Variants in CFAP20DC observed in about 807,000 individuals in gnomAD.
The protein encoded by CFAP20DC is CFAP20 domain containing, also known as protein CFAP20DC.
CFAP20DC carries 84 observed loss-of-function variants against 101.7 expected under a neutral mutation model. The ratio of observed to expected loss-of-function variants is 0.83; its 90% CI spans 0.69 to 0.99. CFAP20DC has a LOEUF of 0.99. Ranked by LOEUF, CFAP20DC falls within the 50% of genes least tolerant of loss-of-function variation. The pLI, the probability that CFAP20DC is intolerant of heterozygous loss-of-function variation, is 0.00. For missense variants in CFAP20DC, 1,007 were observed against 970.3 expected, an observed-to-expected ratio of 1.04 and a Z score of -0.50; for synonymous variants, 359 against 351.2, an observed-to-expected ratio of 1.02 and a Z score of -0.25.
chr3:58,746,382 T>C (rs924016168), intron 16 of CFAP20DC, among the ~76,000 whole-genome samples: 1 of 152,220 alleles, frequency 6.6e-6, no homozygotes, highest in Admixed American at 6.5e-5. Context: ...TTATATGCTA[T>C]ATAATTATTC....
intron 4 of CFAP20DC, among the ~76,000 whole-genome samples, chr3:58,970,005 T>G (rs950137276): frequency 1.3e-5 from 2 of 152,164 alleles, no homozygotes; most frequent in Non-Finnish European, 2.9e-5. Flanking sequence ...AAAGGATAAA[T>G]TTTATGATAT....
intron 4 of CFAP20DC, among the ~76,000 whole-genome samples, chr3:59,037,434 A>AT (rs1320454700): frequency 2.0e-5 from 3 of 150,642 alleles, no homozygotes; most frequent in Non-Finnish European, 3.0e-5. Flanking sequence ...CCAATTTACA[A>AT]TAAAAAAAAA....
chr3:58,825,235 G>A (rs2075961554), intron 14 of CFAP20DC, among the ~76,000 whole-genome samples: 1 of 152,088 alleles, frequency 6.6e-6, no homozygotes, highest in African/African-American at 2.4e-5. Context: ...AAATGTCCTA[G>A]AAATTCTGTT....
chr3:58,998,600 C>A (rs1234901341), intron 4 of CFAP20DC, among the ~76,000 whole-genome samples: 1 of 152,008 alleles, frequency 6.6e-6, no homozygotes, highest in Non-Finnish European at 1.5e-5. Context: ...CACAAACAGC[C>A]CCTGCTCCTA....
chr3:58,720,588 C>T lies in CFAP20DC; in HGVS notation c.198-2960G>A, dbSNP rs114531008. Among the ~76,000 whole-genome samples, 691 of 152,276 alleles carry T rather than the reference C, an allele frequency of 4.5e-3. 1 individual carries two copies. Among genetic ancestry groups the T allele is most frequent in the African/African-American group, 0.014 (576 of 41,552 alleles). On this transcript the variant is annotated intron_variant, in intron 3 of 3. Transcript: ENST00000486145. The stretch of plus-strand genomic sequence containing the variant: ...TTGTTTAAAGGATAGTGCTGCCAGT[C>T]GCACATTATTGTTATTTCAAAGCTG...
intron 14 of CFAP20DC, among the ~76,000 whole-genome samples, chr3:58,818,843 T>G (rs2107880543): frequency 7.7e-6 from 1 of 130,668 alleles, no homozygotes; most frequent in African/African-American, 3.0e-5. Context: ...TATACATTTT[T>G]TTCAGCACCA....
At chr3:58,929,365 T>C (rs146610926) in intron 5 of CFAP20DC, among the ~76,000 whole-genome samples, 1 of 152,362 alleles carries the variant, frequency 6.6e-6, no homozygotes, top group East Asian at 1.9e-4. Context: ...AAATTTGATT[T>C]ATTAACTACA....
intron 16 of CFAP20DC, among the ~76,000 whole-genome samples, chr3:58,749,334 A>T (rs548286632): frequency 2.6e-5 from 4 of 152,264 alleles, no homozygotes; most frequent in African/African-American, 9.6e-5. Context: ...CCTCTGTTGG[A>T]GAAGAGCAGG....
chr3:58,983,984 T>TAC (rs577552059), intron 4 of CFAP20DC, among the ~76,000 whole-genome samples: 37 of 152,236 alleles, frequency 2.4e-4, no homozygotes, highest in Non-Finnish European at 5.4e-4. Flanking sequence ...TGCATATGTG[T>TAC]AAGGCATGAT....
At chr3:58,956,607 T>C (rs1275824684) in intron 4 of CFAP20DC, among the ~76,000 whole-genome samples, 2 of 152,100 alleles carry the variant, frequency 1.3e-5, no homozygotes, top group African/African-American at 4.8e-5. Context: ...ATGGAAGAAC[T>C]TGCCACCCTG....
At chr3:58,947,791 G>C (rs1369523407) in intron 4 of CFAP20DC, among the ~76,000 whole-genome samples, 1 of 152,152 alleles carries the variant, frequency 6.6e-6, no homozygotes, top group Admixed American at 6.5e-5. Context: ...GAGGGAGCAG[G>C]GAGAATAGGA....
rs567736284 is a variant in CFAP20DC at position 58,870,367 on chromosome 3, C to T, written c.716-58G>A. 1.2e-5 allele frequency: 18 copies of T among 1,542,334 alleles called. No individual in the cohort carries two copies. The Admixed American group carries it at 3.0e-4, about 26-fold the overall frequency. ...TTAATGGGTGTAATGACAAACATCA[C>T]ACTGCAATCTTTCTAAAAATCCAGT... On this transcript the variant is annotated intron_variant, in intron 7 of 16. Transcript: ENST00000482387.
In CFAP20DC at chr3:58,811,073, C is replaced by G. The variant is rs9868617; in HGVS notation, c.2176-4617G>C. On this transcript the variant is annotated intron_variant, in intron 14 of 16. Transcript: ENST00000482387. ...TAAAAGAGGACACAAACAAATGGAACAACATTCCATGCTCATGGGTAGGAA... is the reference window on the plus strand; with the variant it reads ...TAAAAGAGGACACAAACAAATGGAAGAACATTCCATGCTCATGGGTAGGAA... Among the ~76,000 whole-genome samples the G allele has an allele frequency of 9.3e-3, 1,420 of 152,124 alleles. 18 individuals are homozygous for G. The highest frequency in any genetic ancestry group is 0.032 in the African/African-American group (1,328 of 41,492).
intron 4 of CFAP20DC, among the ~76,000 whole-genome samples, chr3:58,949,784 G>A (rs2089871004): frequency 6.6e-6 from 1 of 152,140 alleles, no homozygotes; most frequent in Non-Finnish European, 1.5e-5. Context: ...AATAATAAGA[G>A]CTATCTATGA....
At chr3:58,878,369 C>G (rs1206417595) in intron 7 of CFAP20DC, among the ~76,000 whole-genome samples, 2 of 152,130 alleles carry the variant, frequency 1.3e-5, no homozygotes, top group Non-Finnish European at 2.9e-5. Context: ...GTATACATAT[C>G]ATTTTGTGGG....
chr3:58,992,289 T>C (rs2092965879), intron 4 of CFAP20DC, among the ~76,000 whole-genome samples: 1 of 152,096 alleles, frequency 6.6e-6, no homozygotes, highest in South Asian at 2.1e-4. Flanking sequence ...GCACAAAAAT[T>C]TAGATTGTTC....
intron 4 of CFAP20DC, among the ~76,000 whole-genome samples, chr3:58,968,104 T>C (rs1477876409): frequency 6.6e-6 from 1 of 152,238 alleles, no homozygotes; most frequent in East Asian, 1.9e-4. Context: ...CTTCATCCAG[T>C]CAGTCACTGA....
rs529001746 is a variant in CFAP20DC at position 58,866,262 on chromosome 3, G to C, written c.1258+304C>G. 2.0e-5 allele frequency among the ~76,000 whole-genome samples: 3 copies of C among 152,284 alleles called. No homozygotes were observed. In the South Asian group the frequency reaches 6.2e-4, roughly 32 times the overall value. ...CAGCTCCAACCATCTCCATTATAAA[G>C]AGGACTGGAGAAACCCAACAACTGG... On this transcript the variant is annotated intron_variant, in intron 11 of 16. Coordinates refer to ENST00000482387, the MANE Select transcript of CFAP20DC (RefSeq NM_001394063.1).
chr3:58,957,949 A>C (rs1036366913), intron 4 of CFAP20DC, among the ~76,000 whole-genome samples: 4 of 152,194 alleles, frequency 2.6e-5, no homozygotes, highest in Non-Finnish European at 4.4e-5. Context: ...ACATAGGGTG[A>C]CTATAGTCAA....
Sources: gnomAD v4.1 joint callset for allele counts (sites outside exome capture counted in the v4.1 genomes callset) on GRCh38, gnomAD v4.1.1 for gene constraint, MANE v1.5 for transcripts, NCBI Gene and HGNC (gene_info 2026-07-23, HGNC 2026-07-21) for gene names.